The following LRRC37A2 variants were observed in gnomAD, a reference collection of about 807,000 sequenced individuals.
The protein encoded by LRRC37A2 is leucine-rich repeat-containing protein 37A2.
In LRRC37A2, 9 loss-of-function variants were observed where a neutral mutation model predicts 68.8. The ratio of observed to expected loss-of-function variants is 0.13; its 90% confidence interval spans 0.08 to 0.23. The LOEUF is 0.23. Ranked by LOEUF, LRRC37A2 falls within the 10% of genes least tolerant of loss-of-function variation. The pLI is 1.00. For synonymous variants in LRRC37A2, 63 were observed against 367.6 expected (o/e 0.17, Z 9.48); for missense variants, 168 against 950.4 (o/e 0.18, Z 10.82).
chr17:46,846,901 C>T, the LRRC37A2 span, among the ~76,000 whole-genome samples: 2 of 152,158 alleles, frequency 1.3e-5, no homozygotes, highest in Non-Finnish European at 2.9e-5. Context: ...GGGCCCTTCC[C>T]GCAGAAGGAC....
At chr17:46,940,960 G>T in the LRRC37A2 span, 2 of 1,235,166 alleles carry the variant, frequency 1.6e-6, no homozygotes, top group Non-Finnish European at 2.1e-6. Flanking sequence ...TCTCTCCACC[G>T]CCTCAGTGTA....
chr17:46,770,051 G>A, the LRRC37A2 span: 1 of 1,542,392 alleles, frequency 6.5e-7, no homozygotes, highest in Non-Finnish European at 8.7e-7. Flanking sequence ...GCGGGTGGCT[G>A]CGGGGAGGTC....
chr17:46,797,498 C>T, the LRRC37A2 span, among the ~76,000 whole-genome samples: 8 of 152,160 alleles, frequency 5.3e-5, no homozygotes, highest in East Asian at 1.9e-4. Flanking sequence ...GGGCTTGCCT[C>T]GGGCGGGAAG....
chr17:46,912,595 C>G, the LRRC37A2 span, among the ~76,000 whole-genome samples: 1 of 152,208 alleles, frequency 6.6e-6, no homozygotes, highest in Non-Finnish European at 1.5e-5. Context: ...CTGCAGCACC[C>G]GGGGCAACAT....
chr17:46,748,870 A>G, the LRRC37A2 span, among the ~76,000 whole-genome samples: 1 of 152,234 alleles, frequency 6.6e-6, no homozygotes, highest in African/African-American at 2.4e-5. Context: ...CCAAGAAAGG[A>G]AATTGAATAG....
chr17:46,946,482 A>AG, the LRRC37A2 span, among the ~76,000 whole-genome samples: 1 of 144,428 alleles, frequency 6.9e-6, no homozygotes, highest in African/African-American at 2.5e-5. Flanking sequence ...AAAAAAAAGT[A>AG]GGTGGCCTGG....
At chr17:46,783,039 C>T in the LRRC37A2 span, among the ~76,000 whole-genome samples, 1 of 152,186 alleles carries the variant, frequency 6.6e-6, no homozygotes, top group Non-Finnish European at 1.5e-5. Context: ...GTCTCTGGGC[C>T]TTGCCATTAG....
At chr17:46,634,648 A>G in the LRRC37A2 span, among the ~76,000 whole-genome samples, 1 of 6,956 alleles carries the variant, frequency 1.4e-4, no homozygotes, top group African/African-American at 1.9e-4. Flanking sequence ...GTGCCACTGC[A>G]CTCCAGCCTG....
the LRRC37A2 span, chr17:46,886,692 CA>C: frequency 6.6e-6 from 1 of 152,170 alleles, no homozygotes; most frequent in Non-Finnish European, 1.5e-5. Context: ...GAGGGATGCC[CA>C]ATTCTAGAAT....
the LRRC37A2 span, chr17:46,936,413 C>T: frequency 1.0e-6 from 1 of 985,396 alleles, no homozygotes; most frequent in Non-Finnish European, 1.2e-6. Context: ...ACACTGATAC[C>T]AGAGGGGAAG....
the LRRC37A2 span, among the ~76,000 whole-genome samples, chr17:46,749,607 T>C: frequency 3.9e-5 from 6 of 152,252 alleles, no homozygotes; most frequent in African/African-American, 1.2e-4. Context: ...TTGGTACCTT[T>C]TTTCAGGATT....
the LRRC37A2 span, chr17:47,018,490 T>C: frequency 2.6e-6 from 4 of 1,525,304 alleles, no homozygotes; most frequent in South Asian, 4.5e-5. Flanking sequence ...GGAAATTCTT[T>C]AGTCCACCAG....
At chr17:46,851,593 T>A in the LRRC37A2 span, 19 of 1,134,184 alleles carry the variant, frequency 1.7e-5, 1 homozygote, top group African/African-American at 1.3e-4. This position sits in a 1 kb window ranked among gnomAD's most constrained non-coding sequence, Gnocchi z 4.3. Context: ...AGCTGCGAGC[T>A]TGAGCGGCGC....
At chr17:46,735,981 T>A in the LRRC37A2 span, among the ~76,000 whole-genome samples, 3 of 152,128 alleles carry the variant, frequency 2.0e-5, no homozygotes, top group Non-Finnish European at 4.4e-5. Context: ...CCACAGAACC[T>A]TTTCAGCTTG....
the LRRC37A2 span, among the ~76,000 whole-genome samples, chr17:46,863,456 G>T: frequency 6.6e-6 from 1 of 152,220 alleles, no homozygotes; most frequent in Non-Finnish European, 1.5e-5. Flanking sequence ...CAGCTTTGAA[G>T]AGGAAGAAAG....
At chr17:46,823,307 C>T in the LRRC37A2 span, among the ~76,000 whole-genome samples, 2 of 149,102 alleles carry the variant, frequency 1.3e-5, no homozygotes, top group African/African-American at 5.0e-5. Flanking sequence ...CTCTGCCTCC[C>T]AGGTTCAAGC....
the LRRC37A2 span, among the ~76,000 whole-genome samples, chr17:46,499,339 G>GGT: frequency 3.6e-5 from 5 of 139,488 alleles, no homozygotes; most frequent in East Asian, 2.1e-4. Context: ...AAAAAAAGGT[G>GGT]GGGGGACAAT....
chr17:47,013,956 G>A, the LRRC37A2 span, among the ~76,000 whole-genome samples: 13 of 152,194 alleles, frequency 8.5e-5, no homozygotes, highest in Admixed American at 3.3e-4. Flanking sequence ...CCAACATGGA[G>A]AAATGGTGGC....
chr17:46,802,349 T>C, the LRRC37A2 span, among the ~76,000 whole-genome samples: 1 of 152,226 alleles, frequency 6.6e-6, no homozygotes, highest in Non-Finnish European at 1.5e-5. Flanking sequence ...CACTGCAACC[T>C]CCGCCTCCTG....
Sources: gnomAD v4.1 joint callset for allele counts (sites outside exome capture counted in the v4.1 genomes callset) on GRCh38, gnomAD v4.1.1 for gene constraint, Gnocchi (gnomAD v3.1) non-coding constraint, MANE v1.5 for transcripts, NCBI Gene and HGNC (gene_info 2026-07-23, HGNC 2026-07-21) for gene names.